Variants in FGF13 observed in about 807,000 individuals in gnomAD.
FGF13 encodes the protein fibroblast growth factor 13, also known as fibroblast growth factor homologous factor 2.
FGF13 carries 2 observed loss-of-function variants against 19.5 expected under a neutral mutation model. The observed-to-expected ratio is 0.10, with a 90% confidence interval of 0.04 to 0.32. The LOEUF is 0.32. FGF13 is among the 10% of genes least tolerant of loss of function. FGF13 has a pLI of 1.00. For missense variants in FGF13, 113 were observed against 192.7 expected, an observed-to-expected ratio of 0.59 and a Z score of 2.45; for synonymous variants, 72 against 76.9, an observed-to-expected ratio of 0.94 and a Z score of 0.33.
intron 1 of FGF13, among the ~76,000 whole-genome samples, chrX:138,974,121 C>A (rs994068115): frequency 8.9e-6 from 1 of 111,838 alleles, no homozygotes; most frequent in African/African-American, 3.3e-5. Flanking sequence ...GCACAGAAAA[C>A]TCTAATAAAT....
chrX:138,734,180 C>A (rs1409541225), intron 1 of FGF13, among the ~76,000 whole-genome samples: 1 of 111,911 alleles, frequency 8.9e-6, no homozygotes, highest in Non-Finnish European at 1.9e-5. Flanking sequence ...GGAATCTTCA[C>A]AGCTTGTATG....
In FGF13 at chrX:138,624,868, G is replaced by A. The variant is rs1256452102; in HGVS notation, c.*7982C>T. ...ATAAAAAAATTATCTGCCCAGCAAA[G>A]GAAATAATCGACAAAACGAAAAGGC... On this transcript the variant is annotated 3_prime_UTR_variant, in exon 5 of 5. Transcript: ENST00000315930. The A allele has an allele frequency of 4.5e-5, 5 of 111,759 alleles. No individual in the cohort carries two copies. Among genetic ancestry groups the A allele is most frequent in the Non-Finnish European group, 9.4e-5 (5 of 53,150 alleles). The allele number at this position is 111,759 out of a possible 1,213,427, so 9.2% of individuals were successfully genotyped here. A position where few individuals can be genotyped will look rare whatever the true frequency, so the allele number is the denominator to read the frequency against.
At chrX:139,069,883 G>T (rs1479892382) in intron 1 of FGF13, among the ~76,000 whole-genome samples, 1 of 112,104 alleles carries the variant, frequency 8.9e-6, no homozygotes, top group Non-Finnish European at 1.9e-5. Context: ...AATGGGGAAA[G>T]GATTCCCTAT....
At chrX:138,972,653 G>A (rs1309809745) in intron 1 of FGF13, among the ~76,000 whole-genome samples, 1 of 110,915 alleles carries the variant, frequency 9.0e-6, no homozygotes, top group African/African-American at 3.3e-5. Context: ...CACCGTGCCG[G>A]GCCCTCACCA....
chrX:138,771,440 C>T (rs1233134501), intron 3 of FGF13, among the ~76,000 whole-genome samples: 2 of 111,524 alleles, frequency 1.8e-5, no homozygotes, highest in Non-Finnish European at 3.8e-5. Context: ...TAGTACAAGT[C>T]TGTCCCATGC....
chrX:138,627,025 T>C lies in FGF13; in HGVS notation c.*5825A>G, dbSNP rs764681282. On this transcript the variant is annotated 3_prime_UTR_variant, in exon 5 of 5. Transcript: ENST00000315930. ...TATTAGTGACAGAGAGGTTTCCATA[T>C]GTGAAGAACATAAAACTGAATAGTT... 1 of 112,101 alleles carries C rather than the reference T, an allele frequency of 8.9e-6. No individual in the cohort carries two copies. Among genetic ancestry groups the C allele is most frequent in the East Asian group, 2.8e-4 (1 of 3,561 alleles). The allele number at this position is 112,101 out of a possible 1,213,427, so 9.2% of individuals were successfully genotyped here. A position where few individuals can be genotyped will look rare whatever the true frequency, so the allele number is the denominator to read the frequency against.
At chrX:138,781,304 A>C (rs2090639891) in intron 3 of FGF13, among the ~76,000 whole-genome samples, 1 of 109,333 alleles carries the variant, frequency 9.1e-6, no homozygotes, top group African/African-American at 3.4e-5. Flanking sequence ...GAAGGCAAGA[A>C]ATAACTAAAA....
chrX:139,037,608 T>C (rs903909077), intron 1 of FGF13, among the ~76,000 whole-genome samples: 3 of 111,480 alleles, frequency 2.7e-5, no homozygotes, highest in African/African-American at 9.8e-5. Context: ...AAGAGGTTGT[T>C]TGCATTCCTT....
intron 3 of FGF13, among the ~76,000 whole-genome samples, chrX:138,702,178 CAAAT>C (rs946749897): frequency 1.2e-4 from 13 of 109,172 alleles, no homozygotes; most frequent in East Asian, 5.8e-4. Context: ...GATTCTATCT[CAAAT>C]AAATAAATAA....
At chrX:139,033,616 A>T (rs2092239305) in intron 1 of FGF13, among the ~76,000 whole-genome samples, 2 of 112,169 alleles carry the variant, frequency 1.8e-5, no homozygotes, top group Non-Finnish European at 3.8e-5. Flanking sequence ...ACAAGGCAAT[A>T]ATCAAAATTG....
At chrX:139,009,569 G>A (rs755985453) in intron 1 of FGF13, among the ~76,000 whole-genome samples, 23 of 111,326 alleles carry the variant, frequency 2.1e-4, no homozygotes, top group Middle Eastern at 4.6e-3. Flanking sequence ...ATAAATGAAG[G>A]ATAGATACAC....
At chrX:138,897,330 T>C (rs945699470) in intron 1 of FGF13, among the ~76,000 whole-genome samples, 5 of 111,203 alleles carry the variant, frequency 4.5e-5, no homozygotes, top group Admixed American at 1.9e-4. Context: ...TTTTTTTTTC[T>C]TTATTCAAGG....
chrX:138,754,128 G>C (rs2090416804), intron 3 of FGF13, among the ~76,000 whole-genome samples: 1 of 111,790 alleles, frequency 8.9e-6, no homozygotes, highest in South Asian at 3.7e-4. Context: ...TTGAGTAGAA[G>C]GCATCTTCTT....
intron 1 of FGF13, among the ~76,000 whole-genome samples, chrX:138,943,080 T>C (rs997892284): frequency 8.9e-6 from 1 of 112,224 alleles, no homozygotes; most frequent in African/African-American, 3.2e-5. Context: ...TTCATCAGAA[T>C]GAAATACTGT....
intron 1 of FGF13, among the ~76,000 whole-genome samples, chrX:139,088,211 C>T (rs1304425822): frequency 8.9e-6 from 1 of 111,873 alleles, no homozygotes; most frequent in Non-Finnish European, 1.9e-5. Context: ...TGTATCCCAG[C>T]CTCTGGGGGT....
At chrX:139,077,061 T>A (rs2083337398) in intron 1 of FGF13, among the ~76,000 whole-genome samples, 1 of 111,803 alleles carries the variant, frequency 8.9e-6, no homozygotes, top group Non-Finnish European at 1.9e-5. Context: ...TCACTGCACC[T>A]GCACTGTTTT....
intron 1 of FGF13, among the ~76,000 whole-genome samples, chrX:139,060,481 A>G (rs1162899730): frequency 9.0e-6 from 1 of 111,726 alleles, no homozygotes; most frequent in African/African-American, 3.2e-5. Flanking sequence ...ACCAAATATT[A>G]GTCAATTTTG....
chrX:139,070,228 C>A (rs1214964846), intron 1 of FGF13, among the ~76,000 whole-genome samples: 1 of 111,614 alleles, frequency 9.0e-6, no homozygotes, highest in Non-Finnish European at 1.9e-5. Flanking sequence ...GCAATCTATC[C>A]ATCTGACAAA....
chrX:138,853,805 G>A (rs1183571503), downstream of FGF13, among the ~76,000 whole-genome samples: 1 of 111,090 alleles, frequency 9.0e-6, no homozygotes, highest in Admixed American at 9.6e-5. Flanking sequence ...CAAACACTGG[G>A]AATCCATGAT....
Sources: gnomAD v4.1 joint callset for allele counts (sites outside exome capture counted in the v4.1 genomes callset) on GRCh38, gnomAD v4.1.1 for gene constraint, MANE v1.5 for transcripts, NCBI Gene and HGNC (gene_info 2026-07-23, HGNC 2026-07-21) for gene names.